The following C12orf42 variants were observed in gnomAD, a reference collection of about 807,000 sequenced individuals.
The protein encoded by C12orf42 is uncharacterized protein C12orf42.
In C12orf42, 25 loss-of-function variants were observed where a neutral mutation model predicts 21.6. The ratio of observed to expected loss-of-function variants is 1.16; its 90% CI spans 0.84 to 1.62. C12orf42 has a LOEUF of 1.62. Ranked by LOEUF, C12orf42 falls within the 40% of genes most tolerant of loss-of-function variation. The probability of loss-of-function intolerance (pLI) is 0.00; values close to 1 mark genes in which losing one functional copy is unlikely to be tolerated. For missense variants in C12orf42, 483 were observed against 459.3 expected (o/e 1.05, Z -0.47); for synonymous variants, 174 against 175.0 (o/e 0.99, Z 0.05).
intron 2 of C12orf42, among the ~76,000 whole-genome samples, chr12:103,411,132 G>A (rs1290260834): frequency 2.0e-5 from 3 of 152,156 alleles, no homozygotes; most frequent in East Asian, 1.9e-4. Context: ...ATGCTGTAGT[G>A]CATTGCACAC....
chr12:103,312,955 C>CTT (rs2039109463), intron 4 of C12orf42, among the ~76,000 whole-genome samples: 1 of 152,214 alleles, frequency 6.6e-6, no homozygotes, highest in Non-Finnish European at 1.5e-5. Flanking sequence ...TTCAGCCCCT[C>CTT]TGAGATACCA....
chr12:103,277,063 C>T (rs1213117639), intron 5 of C12orf42: 1 of 450,206 alleles, frequency 2.2e-6, no homozygotes, highest in African/African-American at 2.0e-5. Flanking sequence ...AGTGCTATTA[C>T]TAATCAAGTT....
At chr12:103,560,920 C>T in the C12orf42 span, among the ~76,000 whole-genome samples, 3 of 152,186 alleles carry the variant, frequency 2.0e-5, no homozygotes, top group South Asian at 2.1e-4. Context: ...CATATCTAGG[C>T]GTCACTGGGA....
chr12:103,490,020 C>T (rs137865285), intron 1 of C12orf42, among the ~76,000 whole-genome samples: 259 of 152,298 alleles, frequency 1.7e-3, no homozygotes, highest in Admixed American at 4.1e-3. Flanking sequence ...AGAAATCACC[C>T]GTCTTCTGTG....
chr12:103,132,889 C>A, the C12orf42 span, among the ~76,000 whole-genome samples: 1 of 152,178 alleles, frequency 6.6e-6, no homozygotes, highest in African/African-American at 2.4e-5. Flanking sequence ...CCCCACCCTC[C>A]CCAGTAGCAG....
intron 3 of C12orf42, among the ~76,000 whole-genome samples, chr12:103,377,353 G>T (rs759666097): frequency 8.6e-5 from 13 of 152,016 alleles, no homozygotes; most frequent in Non-Finnish European, 1.8e-4. Flanking sequence ...GATTCACTCA[G>T]TCAGGGCTTA....
the C12orf42 span, among the ~76,000 whole-genome samples, chr12:103,150,966 G>A: frequency 6.6e-6 from 1 of 152,166 alleles, no homozygotes; most frequent in East Asian, 1.9e-4. Flanking sequence ...TTGAGATGGA[G>A]TCTCACTCTG....
At chr12:103,391,858 T>G (rs1265601976) in intron 3 of C12orf42, among the ~76,000 whole-genome samples, 3 of 152,122 alleles carry the variant, frequency 2.0e-5, no homozygotes, top group Non-Finnish European at 4.4e-5. Context: ...CTATATTTTC[T>G]TTTTTTACCT....
the C12orf42 span, among the ~76,000 whole-genome samples, chr12:103,539,832 G>A: frequency 6.6e-6 from 1 of 152,036 alleles, no homozygotes; most frequent in African/African-American, 2.4e-5. Context: ...GCCCGCCTTG[G>A]CTTCCCAAAG....
the C12orf42 span, among the ~76,000 whole-genome samples, chr12:103,069,714 C>G: frequency 3.3e-5 from 5 of 152,302 alleles, no homozygotes; most frequent in Admixed American, 2.0e-4. Flanking sequence ...ACTAGACCAA[C>G]TAGCTAGGTC....
chr12:103,101,065 T>C, the C12orf42 span, among the ~76,000 whole-genome samples: 3 of 152,216 alleles, frequency 2.0e-5, no homozygotes, highest in African/African-American at 7.2e-5. Flanking sequence ...CATTTTAAAC[T>C]CGGGAGCCTC....
chr12:103,452,422 T>G (rs1952008034), intron 2 of C12orf42, among the ~76,000 whole-genome samples: 1 of 152,098 alleles, frequency 6.6e-6, no homozygotes, highest in Admixed American at 6.6e-5. Context: ...AGGAAATAGA[T>G]TCCACCTCTC....
rs528271386 is a variant in C12orf42, at chr12:103,382,547, C to T, written c.148-13549G>A. Among the ~76,000 whole-genome samples, 4 of 152,290 alleles carry T rather than the reference C, an allele frequency of 2.6e-5. No individual in the cohort carries two copies. In the South Asian group the frequency reaches 8.3e-4, roughly 32 times the overall value. On this transcript the variant is annotated intron_variant, in intron 3 of 5. Transcript: ENST00000548883. Reference sequence around the variant, plus strand: ...TAATGAGATCTACTAAAGAAGAAGACCAAATATAGTAGAAATAGATGTACA... The same window carrying T: ...TAATGAGATCTACTAAAGAAGAAGATCAAATATAGTAGAAATAGATGTACA...
At chr12:103,207,979 G>C in the C12orf42 span, among the ~76,000 whole-genome samples, 153 of 152,298 alleles carry the variant, frequency 1.0e-3, no homozygotes, top group African/African-American at 3.3e-3. Context: ...TTCAGATGCT[G>C]TGACTCTACC....
At chr12:103,296,903 C>T (rs988351307) in intron 4 of C12orf42, among the ~76,000 whole-genome samples, 1 of 152,138 alleles carries the variant, frequency 6.6e-6, no homozygotes. Context: ...GTTGCCATTG[C>T]TTTTGGTGTT....
chr12:103,285,712 C>T (rs1437520086), intron 4 of C12orf42, among the ~76,000 whole-genome samples: 2 of 152,182 alleles, frequency 1.3e-5, no homozygotes, highest in Non-Finnish European at 2.9e-5. Context: ...ATGACAGCAA[C>T]TCCAAATAGC....
chr12:103,479,803 C>T (rs768063867), intron 1 of C12orf42, among the ~76,000 whole-genome samples: 9 of 151,860 alleles, frequency 5.9e-5, no homozygotes, highest in East Asian at 1.9e-4. Context: ...GCAGTCATAA[C>T]GTATTTTATT....
chr12:103,249,608 T>G (rs537236505), intron 10 of C12orf42, among the ~76,000 whole-genome samples: 1 of 152,194 alleles, frequency 6.6e-6, no homozygotes, highest in East Asian at 1.9e-4. Context: ...CCATATCTGT[T>G]TTCCCTGGTT....
the C12orf42 span, among the ~76,000 whole-genome samples, chr12:103,223,893 A>G: frequency 2.0e-5 from 3 of 152,234 alleles, no homozygotes; most frequent in Non-Finnish European, 4.4e-5. Context: ...GTGTTTTTAA[A>G]AGACCTTTAG....
Sources: allele counts gnomAD v4.1 joint callset (sites outside exome capture counted in the v4.1 genomes callset), GRCh38; gene constraint gnomAD v4.1.1; transcripts MANE v1.5; gene names NCBI Gene and HGNC (gene_info 2026-07-23, HGNC 2026-07-21).